The following CTDSPL2 variants were observed in gnomAD, a reference collection of about 807,000 sequenced individuals.
CTDSPL2 encodes CTD small phosphatase-like protein 2.
Under a neutral mutation model 60.0 loss-of-function variants are expected in CTDSPL2, and 5 were observed. The ratio of observed to expected loss-of-function variants is 0.08; its 90% CI spans 0.04 to 0.18. The LOEUF is 0.18. Ranked by LOEUF, CTDSPL2 falls within the 10% of genes least tolerant of loss-of-function variation. CTDSPL2 has a pLI of 1.00. For synonymous variants in CTDSPL2, 186 were observed against 189.3 expected, an observed-to-expected ratio of 0.98 and a Z score of 0.14; for missense variants, 370 against 548.8, an observed-to-expected ratio of 0.67 and a Z score of 3.26.
chr15:44,443,835 A>G (rs903952658), intron 1 of CTDSPL2, among the ~76,000 whole-genome samples: 1 of 152,134 alleles, frequency 6.6e-6, no homozygotes, highest in African/African-American at 2.4e-5. Flanking sequence ...ATGATTTGCA[A>G]GTATTTTCTG....
At chr15:44,516,409 T>G (rs2081655887) in intron 10 of CTDSPL2, among the ~76,000 whole-genome samples, 1 of 152,228 alleles carries the variant, frequency 6.6e-6, no homozygotes, top group Admixed American at 6.5e-5. Context: ...GTTCATATTT[T>G]GGAAGGTTTT....
chr15:44,436,153 G>T (rs1357650253), intron 1 of CTDSPL2, among the ~76,000 whole-genome samples: 1 of 152,050 alleles, frequency 6.6e-6, no homozygotes, highest in East Asian at 1.9e-4. Flanking sequence ...AATGTCATTT[G>T]GTGTCAAAGA....
intron 2 of CTDSPL2, among the ~76,000 whole-genome samples, chr15:44,471,728 A>C (rs1314983662): frequency 6.6e-6 from 1 of 152,144 alleles, no homozygotes; most frequent in Non-Finnish European, 1.5e-5. Context: ...TCAACTTTAG[A>C]ATATTTTCAT....
At chr15:44,460,398 G>A (rs2080543060) in intron 2 of CTDSPL2, among the ~76,000 whole-genome samples, 1 of 152,106 alleles carries the variant, frequency 6.6e-6, no homozygotes, top group African/African-American at 2.4e-5. Context: ...ATGAGCCACC[G>A]CGCCCGGCCT....
intron 5 of CTDSPL2, 97 bp downstream of exon 5, chr15:44,491,096 G>C: frequency 1.2e-6 from 1 of 847,646 alleles, no homozygotes; most frequent in Non-Finnish European, 1.8e-6. Context: ...TATATGCATA[G>C]GTTTTTCTTC....
chr15:44,479,134 C>T (rs1272673887), intron 2 of CTDSPL2, among the ~76,000 whole-genome samples: 2 of 150,894 alleles, frequency 1.3e-5, no homozygotes, highest in Non-Finnish European at 2.9e-5. Context: ...CAGCTATAGT[C>T]CTGGCTATTC....
At chr15:44,496,658 C>G (rs2081305515) in intron 6 of CTDSPL2, among the ~76,000 whole-genome samples, 200 bp downstream of exon 6, 1 of 152,076 alleles carries the variant, frequency 6.6e-6, no homozygotes, top group Non-Finnish European at 1.5e-5. Context: ...GCCTGGAGTT[C>G]AAGACCAACC....
At chr15:44,517,888 T>C (rs2081686070) in intron 10 of CTDSPL2, among the ~76,000 whole-genome samples, 1 of 152,246 alleles carries the variant, frequency 6.6e-6, no homozygotes, top group African/African-American at 2.4e-5. Flanking sequence ...TTTTTTGTTG[T>C]TGTTTTTTCA....
At chr15:44,444,836 GTTTT>G (rs35160726) in intron 1 of CTDSPL2, among the ~76,000 whole-genome samples, 20 of 69,606 alleles carry the variant, frequency 2.9e-4, no homozygotes, top group African/African-American at 1.1e-3. Context: ...ATGGAATGTA[GTTTT>G]TTTTTTTTTT....
At position 44,527,063 on chromosome 15, in the gene CTDSPL2, G is replaced by A. The variant is rs2081887240; in HGVS notation, c.*2889G>A. 6.6e-6 allele frequency: 1 copy of A among 152,382 alleles called. No individual in the cohort carries two copies. Among genetic ancestry groups the A allele is most frequent in the Admixed American group, 6.6e-5 (1 of 15,252 alleles). 9.4% of individuals were successfully genotyped at this position (152,382 alleles called of 1,614,324 possible). The stretch of plus-strand genomic sequence containing the variant: ...TTTATATCACCATATTTCTCCTTGT[G>A]TCCTAAGAGAATTGATGACAATTCG... On this transcript the variant is annotated 3_prime_UTR_variant, in exon 13 of 13. Transcript: ENST00000260327.
intron 1 of CTDSPL2, among the ~76,000 whole-genome samples, chr15:44,435,587 G>T (rs1179615400): frequency 6.7e-6 from 1 of 149,322 alleles, no homozygotes; most frequent in Admixed American, 6.7e-5. Context: ...AAAAAAAAGA[G>T]AATCTTCCTG....
At chr15:44,432,600 G>T in intron 1 of CTDSPL2, among the ~76,000 whole-genome samples, 1 of 150,944 alleles carries the variant, frequency 6.6e-6, no homozygotes, top group Non-Finnish European at 1.5e-5. Flanking sequence ...GATTAGAGGC[G>T]TGAGCCACTG....
chr15:44,523,473 G>T (rs1353539614), intron 12 of CTDSPL2, among the ~76,000 whole-genome samples: 1 of 152,124 alleles, frequency 6.6e-6, no homozygotes, highest in Non-Finnish European at 1.5e-5. Context: ...GGGCATTGTG[G>T]TGTGTGCCTA....
At chr15:44,439,845 T>C (rs971060795) in intron 1 of CTDSPL2, among the ~76,000 whole-genome samples, 1 of 152,232 alleles carries the variant, frequency 6.6e-6, no homozygotes, top group Non-Finnish European at 1.5e-5. Context: ...TAACCTGTAC[T>C]GGGCCAAATT....
chr15:44,491,192 AT>A (rs754979331), intron 5 of CTDSPL2, among the ~76,000 whole-genome samples, 193 bp downstream of exon 5: 36 of 152,322 alleles, frequency 2.4e-4, no homozygotes, highest in Middle Eastern at 6.8e-3. Context: ...TTTTTAAAAG[AT>A]TTTGACTAAG....
chr15:44,519,168 G>A lies in CTDSPL2; in HGVS notation c.1113-1G>A. 1 of 1,485,682 alleles carries A rather than the reference G, an allele frequency of 6.7e-7. No individual in the cohort carries two copies. Among genetic ancestry groups the A allele is most frequent in the Non-Finnish European group, 8.9e-7 (1 of 1,125,004 alleles). The allele number at this position is 1,485,682 out of a possible 1,614,324, so 92.0% of individuals were successfully genotyped here. The stretch of plus-strand genomic sequence containing the variant: ...TAATTTGTTTTTATTTTTATGTTTA[G>A]GCACCGGCTTTTCCGTGAACATTGT... On this transcript the variant is annotated splice_acceptor_variant, in intron 10 of 12. Coordinates refer to ENST00000260327, the MANE Select transcript of CTDSPL2 (RefSeq NM_016396.3). LOFTEE classifies it high-confidence loss of function.
At chr15:44,431,140 T>TA (rs1339073698) in intron 1 of CTDSPL2, among the ~76,000 whole-genome samples, 5 of 151,132 alleles carry the variant, frequency 3.3e-5, no homozygotes, top group Non-Finnish European at 4.4e-5. Context: ...TTTTTTTTTT[T>TA]AATGGAGACG....
At chr15:44,501,929 T>G (rs1366812713) in intron 8 of CTDSPL2, 3 of 447,602 alleles carry the variant, frequency 6.7e-6, no homozygotes, top group Non-Finnish European at 4.5e-6. Flanking sequence ...CAAGCTCCCT[T>G]TAAACAGGGA....
chr15:44,462,992 A>G (rs2080606561), intron 2 of CTDSPL2, among the ~76,000 whole-genome samples: 1 of 151,900 alleles, frequency 6.6e-6, no homozygotes. Flanking sequence ...GGCGTGAGCC[A>G]TCGTGCCCAG....
Sources: allele counts gnomAD v4.1 joint callset (sites outside exome capture counted in the v4.1 genomes callset), GRCh38; gene constraint gnomAD v4.1.1; transcripts MANE v1.5; gene names NCBI Gene and HGNC (gene_info 2026-07-23, HGNC 2026-07-21).